Variants in MCPH1 observed in about 807,000 individuals in gnomAD.
MCPH1 encodes microcephalin.
MCPH1 carries 104 observed loss-of-function variants against 84.5 expected under a neutral mutation model. That is an observed-to-expected ratio of 1.23 (90% CI 1.05 to 1.45). The LOEUF (loss-of-function observed/expected upper bound fraction) is 1.45, where lower values mean the gene tolerates loss of function less well. Ranked by LOEUF, MCPH1 falls within the 40% of genes most tolerant of loss-of-function variation. MCPH1 has a pLI of 0.00. For synonymous variants in MCPH1, 514 were observed against 366.8 expected, an observed-to-expected ratio of 1.40 and a Z score of -4.58; for missense variants, 1,498 against 1,005.7, an observed-to-expected ratio of 1.49 and a Z score of -6.62.
At chr8:6,470,938 C>T (rs913649046) in intron 9 of MCPH1, among the ~76,000 whole-genome samples, 1 of 152,220 alleles carries the variant, frequency 6.6e-6, no homozygotes, top group African/African-American at 2.4e-5. Context: ...TAGGAAAGTC[C>T]TTCTTTGCTC....
At chr8:6,438,804 G>A in intron 5 of MCPH1, 149 bp from the exon 6 acceptor site, 1 of 677,054 alleles carries the variant, frequency 1.5e-6, no homozygotes, top group Non-Finnish European at 2.6e-6. Context: ...TGTGGAGGTG[G>A]TGGAGGTAGA....
intron 12 of MCPH1, chr8:6,619,996 G>A (rs768606328): frequency 1.3e-5 from 2 of 152,206 alleles, no homozygotes; most frequent in Non-Finnish European, 2.9e-5. Context: ...TAGGGACCAT[G>A]GCTTTTTCTT....
chr8:6,409,115 G>C (rs547217715), intron 1 of MCPH1, among the ~76,000 whole-genome samples, 164 bp from the exon 2 acceptor site: 1 of 152,136 alleles, frequency 6.6e-6, no homozygotes. Context: ...TCAAACCCCT[G>C]ACTTCGTGGA....
rs45540031 is a variant in MCPH1 at position 6,621,640 on chromosome 8, A to G, written c.2401A>G (p.Ser801Gly). The change falls in exon 13 of 14, where the codon AGC (serine) becomes GGC (glycine). Residue 801 changes from serine to glycine, a missense_variant. Coordinates refer to ENST00000344683, the MANE Select transcript of MCPH1 (RefSeq NM_024596.5). ...GGCCAGCATCGTCATCGGGCCCTACAGCGGAAAGAAGAAAGCCACAGTCAA... is the reference window on the plus strand; with the variant it reads ...GGCCAGCATCGTCATCGGGCCCTACGGCGGAAAGAAGAAAGCCACAGTCAA... ...RQASIVIGPY[S>G]GKKKATVKYL... The G allele has an allele frequency of 2.5e-3, 4,013 of 1,614,216 alleles. 7 individuals are homozygous for G. The highest frequency in any genetic ancestry group is 2.8e-3 in the Non-Finnish European group (3,280 of 1,180,032).
chr8:6,504,247 G>A (rs916760711), intron 12 of MCPH1, among the ~76,000 whole-genome samples: 8 of 150,746 alleles, frequency 5.3e-5, no homozygotes, highest in African/African-American at 9.8e-5. Flanking sequence ...GAACCCGGGA[G>A]GCGGAGCTTG....
At chr8:6,408,935 G>A (rs1358006830) in intron 1 of MCPH1, among the ~76,000 whole-genome samples, 1 of 151,776 alleles carries the variant, frequency 6.6e-6, no homozygotes, top group Non-Finnish European at 1.5e-5. Context: ...ACCCAGGCTG[G>A]AGTGCAATGG....
intron 12 of MCPH1, among the ~76,000 whole-genome samples, chr8:6,547,814 G>A (rs1481442099): frequency 2.6e-5 from 4 of 152,086 alleles, no homozygotes; most frequent in Non-Finnish European, 5.9e-5. Flanking sequence ...AGCACCGGAA[G>A]AAGGGAGCCG....
chr8:6,614,169 G>A lies in MCPH1; in HGVS notation c.2215-7285G>A, dbSNP rs187714960. ...TTTGTTTTTCCAAATGGTGGCCTCT[G>A]GGTCTGACTTCACCTCTTTTGCAAT... On this transcript the variant is annotated intron_variant, in intron 12 of 13. Transcript: ENST00000344683. Among the ~76,000 whole-genome samples, 13 of 152,304 alleles carry A rather than the reference G, an allele frequency of 8.5e-5. No individual in the cohort carries two copies. The East Asian group carries it at 2.3e-3, about 27-fold the overall frequency.
At chr8:6,486,545 G>C (rs528404345) in intron 11 of MCPH1, among the ~76,000 whole-genome samples, 1 of 152,112 alleles carries the variant, frequency 6.6e-6, no homozygotes, top group Non-Finnish European at 1.5e-5. Context: ...AAACTGTGGC[G>C]ATTTTATAAC....
At chr8:6,431,675 A>G (rs184338643) in intron 4 of MCPH1, 89 bp downstream of exon 4, 27 of 892,080 alleles carry the variant, frequency 3.0e-5, no homozygotes, top group Admixed American at 1.3e-4. Context: ...TTCTAGAAAT[A>G]TATTCAAGAG....
chr8:6,528,173 C>T (rs1407828639), intron 12 of MCPH1, among the ~76,000 whole-genome samples: 1 of 152,184 alleles, frequency 6.6e-6, no homozygotes, highest in South Asian at 2.1e-4. Context: ...CTGGGATTTA[C>T]AGGCATTAGC....
intron 12 of MCPH1, among the ~76,000 whole-genome samples, chr8:6,587,115 C>G (rs187853527): frequency 1.4e-4 from 21 of 152,118 alleles, no homozygotes; most frequent in African/African-American, 5.1e-4. Flanking sequence ...ATTGACTTGG[C>G]CTGAGTATGC....
At position 6,616,102 on chromosome 8, in the gene MCPH1, C is replaced by G. The variant is rs1830762829; in HGVS notation, c.2215-5352C>G. On this transcript the variant is annotated intron_variant, in intron 12 of 13. Transcript: ENST00000344683. ...ATTCCGTACTTTAAATCTAAGGTGA[C>G]TTGACTGTAAGGCCTGCGAGTATTT... 3 of 152,278 alleles carry G rather than the reference C, an allele frequency of 2.0e-5. No homozygotes were observed. The South Asian group carries it at 6.2e-4, about 32-fold the overall frequency. The allele number at this position is 152,278 out of a possible 1,614,324, so 9.4% of individuals were successfully genotyped here. A position where few individuals can be genotyped will look rare whatever the true frequency, so the allele number is the denominator to read the frequency against.
intron 11 of MCPH1, among the ~76,000 whole-genome samples, chr8:6,491,319 T>C (rs185715124): frequency 6.6e-6 from 1 of 151,320 alleles, no homozygotes; most frequent in Admixed American, 6.6e-5. Context: ...GTCTCACTTA[T>C]GGAGAATACA....
At chr8:6,487,143 T>G (rs1810032741) in intron 11 of MCPH1, among the ~76,000 whole-genome samples, 1 of 152,254 alleles carries the variant, frequency 6.6e-6, no homozygotes, top group African/African-American at 2.4e-5. Context: ...TAAAGCTAAT[T>G]CACTTATAAA....
rs1404986192 is a variant in MCPH1, at chr8:6,520,997, A to G, written c.2214+21068A>G. Reference sequence around the variant, plus strand: ...AAAGTATGCTTGGGGTGTTTGCTTCATAATAATTAGTATAACATATATTTC... The same window carrying G: ...AAAGTATGCTTGGGGTGTTTGCTTCGTAATAATTAGTATAACATATATTTC... On this transcript the variant is annotated intron_variant, in intron 12 of 13. Transcript: ENST00000344683. 2.0e-5 allele frequency among the ~76,000 whole-genome samples: 3 copies of G among 152,176 alleles called. No homozygotes were observed. In the East Asian group the frequency reaches 5.8e-4, roughly 29 times the overall value.
chr8:6,616,453 T>G (rs1830799605), intron 12 of MCPH1: 1 of 152,190 alleles, frequency 6.6e-6, no homozygotes, highest in African/African-American at 2.4e-5. Context: ...TTAACTGACT[T>G]GGAGGTAAAT....
chr8:6,493,427 A>C (rs781302708), intron 11 of MCPH1, among the ~76,000 whole-genome samples: 12 of 152,238 alleles, frequency 7.9e-5, no homozygotes, highest in Non-Finnish European at 1.5e-4. Context: ...ACCACCTGGA[A>C]TTCAGTCTCT....
chr8:6,554,322 G>A (rs1377513580), intron 12 of MCPH1, among the ~76,000 whole-genome samples: 1 of 151,238 alleles, frequency 6.6e-6, no homozygotes, highest in African/African-American at 2.4e-5. Context: ...AAAAAAAATG[G>A]AAAGGCTGGC....
Sources: allele counts gnomAD v4.1 joint callset (sites outside exome capture counted in the v4.1 genomes callset), GRCh38; gene constraint gnomAD v4.1.1; transcripts MANE v1.5; gene names NCBI Gene and HGNC (gene_info 2026-07-23, HGNC 2026-07-21).